Variants in ZNF789 observed in about 807,000 individuals in gnomAD.
ZNF789 encodes the protein zinc finger protein 789.
A neutral mutation model predicts 15.6 loss-of-function variants in ZNF789; 11 were observed. The observed-to-expected ratio is 0.70, with a 90% CI of 0.44 to 1.16. The LOEUF is 1.16. ZNF789 is among the 50% of genes most tolerant of loss of function. The pLI is 0.00. For synonymous variants in ZNF789, 159 were observed against 176.0 expected (o/e 0.90, Z 0.76); for missense variants, 461 against 512.6 (o/e 0.90, Z 0.97).
rs1799797026 is a variant in ZNF789 at position 99,484,246 on chromosome 7, A to T, written c.265+103A>T. The T allele has an allele frequency of 3.6e-6, 3 of 839,874 alleles. No individual in the cohort carries two copies. In the African/African-American group the frequency reaches 5.2e-5, roughly 14 times the overall value. The allele number at this position is 839,874 out of a possible 1,614,324, so 52.0% of individuals were successfully genotyped here. ...CCAGACGCTGAGCCAGGTGCTGGGC[A>T]TATATTATCCCACTTCTTCATCCCT... On this transcript the variant is annotated intron_variant, in intron 4 of 4. Transcript: ENST00000331410.
In ZNF789 at chr7:99,486,940, C is replaced by A; in HGVS notation, c.730C>A (p.Leu244Ile). 6.2e-7 allele frequency: 1 copy of A among 1,614,164 alleles called. No individual in the cohort carries two copies. Among genetic ancestry groups the A allele is most frequent in the Non-Finnish European group, 8.5e-7 (1 of 1,180,042 alleles). ...CGQAFRQRSA[L>I]TVHKQCHLQN... ...GCAAGCCTTCAGACAGCGGTCAGCT[C>A]TTACGGTCCATAAACAGTGTCACCT... Residue 244 changes from leucine (L) to isoleucine (I), a missense_variant, in exon 5 of 5, where the codon CTT becomes ATT. By Grantham distance (5) the Leu-to-Ile change is conservative (BLOSUM62 2). Transcript: ENST00000331410.
At chr7:99,477,902 C>T (rs887491822) in intron 2 of ZNF789, among the ~76,000 whole-genome samples, 11 of 152,288 alleles carry the variant, frequency 7.2e-5, no homozygotes, top group East Asian at 5.8e-4. Context: ...GAGCCGAGAT[C>T]GCGCCATTGC....
Position 99,487,088 on chromosome 7 carries a change from C to T in ZNF789, c.878C>T (p.Thr293Met), listed in dbSNP as rs775592281. ...KPYKCSKCEK[T>M]FSQNSTLIRH... ...TATAAATGTAGCAAATGTGAAAAAA[C>T]GTTTAGTCAGAATTCAACCCTTATT... Residue 293 changes from threonine (T) to methionine (M), a missense_variant, in exon 5 of 5, where the codon ACG becomes ATG. Physicochemically the swap from Thr to Met is moderately conservative, Grantham distance 81. Transcript: ENST00000331410. 17 of 1,614,090 alleles carry T rather than the reference C, an allele frequency of 1.1e-5. No individual in the cohort carries two copies. The East Asian group carries it at 3.1e-4, about 30-fold the overall frequency.
At chr7:99,485,205 C>CA in intron 4 of ZNF789, 4 of 1,536,060 alleles carry the variant, frequency 2.6e-6, no homozygotes, top group African/African-American at 1.4e-5. Context: ...TGTCCCGATG[C>CA]AGCTGCTCCT....
Position 99,479,724 on chromosome 7 carries a change from T to G in ZNF789, c.88T>G (p.Trp30Gly), listed in dbSNP as rs1419006552. Residue 30 changes from tryptophan (W) to glycine (G), a missense_variant, in exon 3 of 5, where the codon TGG becomes GGG. Coordinates refer to ENST00000331410, the MANE Select transcript of ZNF789 (RefSeq NM_213603.3). Reference sequence around the variant, plus strand: ...CAGAGAGGAGTGGGGCCACCTCAACTGGGGTCAGAAGGACCTCTACCGAGA... The same window carrying G: ...CAGAGAGGAGTGGGGCCACCTCAACGGGGGTCAGAAGGACCTCTACCGAGA... ...FTREEWGHLN[W>G]GQKDLYRDVM... 6.2e-7 allele frequency: 1 copy of G among 1,613,938 alleles called. No individual in the cohort carries two copies. The highest frequency in any genetic ancestry group is 1.3e-5 in the African/African-American group (1 of 74,922).
intron 4 of ZNF789, among the ~76,000 whole-genome samples, chr7:99,484,746 T>C (rs1046278607): frequency 1.3e-5 from 2 of 152,124 alleles, no homozygotes; most frequent in African/African-American, 4.8e-5. Flanking sequence ...CTGGGTGATA[T>C]GGTGAAACCC....
chr7:99,476,387 T>G lies in ZNF789; in HGVS notation c.-54-16T>G, dbSNP rs1396160178. On this transcript the variant is annotated splice_polypyrimidine_tract_variant and intron_variant, in intron 1 of 4. Coordinates refer to ENST00000331410, the MANE Select transcript of ZNF789 (RefSeq NM_213603.3). ...TCAAATTAGGGCTGGCCTTACTGAC[T>G]TTTTTTCTTCTCCAGCTCAGCCAGA... The G allele has an allele frequency of 6.3e-7, 1 of 1,578,600 alleles. No individual in the cohort carries two copies. Among genetic ancestry groups the G allele is most frequent in the Non-Finnish European group, 8.6e-7 (1 of 1,162,854 alleles).
chr7:99,475,270 T>A (rs1799261675), intron 1 of ZNF789, among the ~76,000 whole-genome samples: 1 of 152,074 alleles, frequency 6.6e-6, no homozygotes, highest in Admixed American at 6.6e-5. Context: ...GGCGGGTGCC[T>A]GTAATCCCAG....
intron 3 of ZNF789, among the ~76,000 whole-genome samples, chr7:99,482,535 T>G (rs1799697279): frequency 6.6e-6 from 1 of 152,124 alleles, no homozygotes; most frequent in South Asian, 2.1e-4. Context: ...ACACATAACA[T>G]ACACACTACA....
intron 1 of ZNF789, among the ~76,000 whole-genome samples, chr7:99,474,625 T>G (rs1462190700): frequency 6.7e-5 from 10 of 149,550 alleles, no homozygotes; most frequent in East Asian, 2.0e-4. Flanking sequence ...TACGAATTTG[T>G]GTTGGGTTGG....
chr7:99,485,061 A>T, intron 4 of ZNF789: 1 of 876,568 alleles, frequency 1.1e-6, no homozygotes, highest in South Asian at 1.7e-5. Flanking sequence ...GACAGCTCTT[A>T]GGGCACCCTG....
chr7:99,474,450 G>T (rs368527121), intron 1 of ZNF789, among the ~76,000 whole-genome samples: 2 of 151,866 alleles, frequency 1.3e-5, no homozygotes, highest in Non-Finnish European at 2.9e-5. Flanking sequence ...AAAAATTAGC[G>T]GGGCGTGGTG....
intron 1 of ZNF789, among the ~76,000 whole-genome samples, chr7:99,476,038 C>T (rs944583096): frequency 2.0e-5 from 3 of 151,978 alleles, no homozygotes; most frequent in Non-Finnish European, 4.4e-5. Context: ...CTTCTGACCT[C>T]GTGATCCACC....
intron 4 of ZNF789, among the ~76,000 whole-genome samples, chr7:99,485,857 C>G (rs980485757): frequency 6.6e-6 from 1 of 152,106 alleles, no homozygotes; most frequent in Admixed American, 6.6e-5. Flanking sequence ...CATGCTACCT[C>G]TTTGATATTT....
At chr7:99,483,666 A>G in intron 3 of ZNF789, 4 of 778,810 alleles carry the variant, frequency 5.1e-6, no homozygotes, top group Non-Finnish European at 9.6e-6. Context: ...GATTTTTAAT[A>G]TCTGCCTAAT....
rs1171134141 is a variant in ZNF789, at chr7:99,486,511, C to G, written c.301C>G (p.Pro101Ala). The G allele has an allele frequency of 1.2e-6, 2 of 1,612,796 alleles. No individual in the cohort carries two copies. The highest frequency in any genetic ancestry group is 1.7e-6 in the Non-Finnish European group (2 of 1,179,642). ...EARHKMKKLTPKQKFSEDLES... is the reference protein window; with the variant it reads ...EARHKMKKLTAKQKFSEDLES... ...CAGACACAAGATGAAAAAGCTAACT[C>G]CAAAACAGAAATTTTCTGAAGATTT... Residue 101 changes from proline (P) to alanine (A), a missense_variant, in exon 5 of 5, where the codon CCA (proline) becomes GCA (alanine). By Grantham distance (27) the Pro-to-Ala change is conservative. Transcript: ENST00000331410.
In ZNF789 at chr7:99,486,979, T is replaced by C. The variant is rs1206798774; in HGVS notation, c.769T>C (p.Tyr257His). 2 of 1,614,140 alleles carry C rather than the reference T, an allele frequency of 1.2e-6. No homozygotes were observed. Among genetic ancestry groups the C allele is most frequent in the South Asian group, 2.2e-5 (2 of 91,086 alleles). ...HKQCHLQNKP[Y>H]RCHDCGKCFR... is the part of the protein sequence containing the mutation. ...ACAGTGTCACCTGCAAAACAAGCCA[T>C]ACAGATGTCATGACTGTGGAAAGTG... The change falls in exon 5 of 5, where the codon TAC becomes CAC. Residue 257 changes from tyrosine (Y) to histidine (H), a missense_variant. Tyr to His is a moderately conservative substitution (Grantham distance 83). Transcript: ENST00000331410.
In ZNF789 at chr7:99,485,093, C is replaced by T. The variant is rs1009550900; in HGVS notation, c.265+950C>T. The T allele has an allele frequency of 8.5e-6, 11 of 1,296,270 alleles. No homozygotes were observed. The Middle Eastern group carries it at 7.5e-4, about 89-fold the overall frequency. 80.3% of individuals were successfully genotyped at this position (1,296,270 alleles called of 1,614,324 possible). A position where few individuals can be genotyped will look rare whatever the true frequency, so the allele number is the denominator to read the frequency against. ...CCTGGATGCCCCTTGATTCCACCCT[C>T]ATTACTTGTCCTCTCTCGGTGCTGC... On this transcript the variant is annotated intron_variant, in intron 4 of 4. Coordinates refer to ENST00000331410, the MANE Select transcript of ZNF789 (RefSeq NM_213603.3).
At chr7:99,479,911 C>T (rs899570071) in intron 3 of ZNF789, 124 bp downstream of exon 3, 11 of 1,352,860 alleles carry the variant, frequency 8.1e-6, no homozygotes, top group African/African-American at 7.4e-5. Context: ...TTTTATAACT[C>T]GTGTGGCTAC....
Sources: gnomAD v4.1 joint callset for allele counts (sites outside exome capture counted in the v4.1 genomes callset) on GRCh38, gnomAD v4.1.1 for gene constraint, MANE v1.5 for transcripts, NCBI Gene and HGNC (gene_info 2026-07-23, HGNC 2026-07-21) for gene names.